Variants in RIOK3 observed in about 807,000 individuals in gnomAD.
RIOK3 encodes the protein RIO kinase 3, also known as serine/threonine-protein kinase RIO3.
A neutral mutation model predicts 63.5 loss-of-function variants in RIOK3; 40 were observed. The observed-to-expected ratio is 0.63, with a 90% CI of 0.49 to 0.82. The LOEUF is 0.82. Among genes scored for constraint, RIOK3 ranks in the 40% least tolerant of loss-of-function variants. The probability of loss-of-function intolerance (pLI) is 0.00; values close to 1 mark genes in which losing one functional copy is unlikely to be tolerated. For synonymous variants in RIOK3, 193 were observed against 205.0 expected, an observed-to-expected ratio of 0.94 and a Z score of 0.50; for missense variants, 557 against 637.0, an observed-to-expected ratio of 0.87 and a Z score of 1.35.
chr18:23,471,735 GA>G (rs1389185736), intron 7 of RIOK3, among the ~76,000 whole-genome samples: 1 of 152,140 alleles, frequency 6.6e-6, no homozygotes, highest in Non-Finnish European at 1.5e-5. Flanking sequence ...GTGGGTGTAG[GA>G]GGATAGATTC....
intron 1 of RIOK3, among the ~76,000 whole-genome samples, chr18:23,457,559 A>G (rs983887783): frequency 5.9e-5 from 9 of 152,238 alleles, no homozygotes; most frequent in Admixed American, 2.0e-4. Flanking sequence ...ACAAACGTAT[A>G]ATACTAATGC....
chr18:23,461,877 G>A (rs958689085), intron 1 of RIOK3, among the ~76,000 whole-genome samples: 32 of 151,862 alleles, frequency 2.1e-4, no homozygotes, highest in African/African-American at 7.5e-4. Flanking sequence ...ATCACCTGAG[G>A]TTAGGAGTTC....
In RIOK3 at chr18:23,482,674, A is replaced by T. The variant is rs2057543377; in HGVS notation, c.*1395A>T. 3 of 152,182 alleles carry T rather than the reference A, an allele frequency of 2.0e-5. No homozygotes were observed. The highest frequency in any genetic ancestry group is 7.2e-5 in the African/African-American group (3 of 41,460). 9.4% of individuals were successfully genotyped at this position (152,182 alleles called of 1,614,324 possible). A position where few individuals can be genotyped will look rare whatever the true frequency, so the allele number is the denominator to read the frequency against. On this transcript the variant is annotated 3_prime_UTR_variant, in exon 13 of 13. Transcript: ENST00000339486. Reference sequence around the variant, plus strand: ...GCTTTGTTAGGATTAAAGTTCATTAACTTCAATGTAATCATGCCTCCTATT... The same window carrying T: ...GCTTTGTTAGGATTAAAGTTCATTATCTTCAATGTAATCATGCCTCCTATT...
chr18:23,468,601 C>T (rs1286241132), intron 7 of RIOK3, among the ~76,000 whole-genome samples: 1 of 152,076 alleles, frequency 6.6e-6, no homozygotes, highest in Non-Finnish European at 1.5e-5. Flanking sequence ...CTGCGCCTGG[C>T]CTGGTATACT....
At chr18:23,459,384 C>T (rs889543445) in intron 1 of RIOK3, among the ~76,000 whole-genome samples, 1 of 152,178 alleles carries the variant, frequency 6.6e-6, no homozygotes, top group African/African-American at 2.4e-5. Context: ...TGGAATGCCT[C>T]TTTATATCCA....
At chr18:23,467,557 G>T (rs1394113199) in intron 7 of RIOK3, 31 bp downstream of exon 7, 1 of 1,599,230 alleles carries the variant, frequency 6.3e-7, no homozygotes, top group Non-Finnish European at 8.6e-7. Context: ...ACCATGATAT[G>T]AAAACTTAGT....
intron 9 of RIOK3, 49 bp downstream of exon 9, chr18:23,475,156 TC>T: frequency 6.7e-6 from 10 of 1,485,754 alleles, no homozygotes; most frequent in South Asian, 1.2e-5. Context: ...AAAAAATATT[TC>T]CTCTAAACTT....
At chr18:23,480,815 G>A (rs182670393) in intron 12 of RIOK3, among the ~76,000 whole-genome samples, 31 of 152,202 alleles carry the variant, frequency 2.0e-4, no homozygotes, top group African/African-American at 7.2e-4. Flanking sequence ...GGCTGGACAC[G>A]GTGGCTCACG....
Position 23,479,359 on chromosome 18 carries a change from G to A in RIOK3, c.1387G>A (p.Glu463Lys). 6.2e-7 allele frequency: 1 copy of A among 1,613,854 alleles called. No individual in the cohort carries two copies. Among genetic ancestry groups the A allele is most frequent in the Non-Finnish European group, 8.5e-7 (1 of 1,179,794 alleles). ...AGTCAAGGAAGCCCTTAGTGAACGA[G>A]AACTCTTCAATGCTGTTTCAGGCTT... is the stretch of plus-strand genomic sequence containing the variant. ...GGVKEALSER[E>K]LFNAVSGLNI... The change falls in exon 12 of 13, where the codon GAA becomes AAA. Residue 463 changes from glutamate to lysine, a missense_variant. Glu to Lys is a moderately conservative substitution (Grantham distance 56, BLOSUM62 1). Around this residue, in one of 3 missense-constraint regions of RIOK3, gnomAD observed 309 missense variants for 338.7 expected, o/e 0.91. Coordinates refer to ENST00000339486, the MANE Select transcript of RIOK3 (RefSeq NM_003831.5).
Position 23,463,994 on chromosome 18 carries a change from A to G in RIOK3, c.207A>G (p.Gly69=). The part of the protein sequence containing the change: ...VAVAEGPFIT[G]ENIDTSSDLM... The stretch of plus-strand genomic sequence containing the variant: ...TTGCTGAAGGACCATTTATTACTGG[A>G]GAAAACATTGATACTTCCAGTGACC... The change falls in exon 3 of 13, where the codon GGA becomes GGG. Residue 69 remains glycine, a synonymous_variant. Coordinates refer to ENST00000339486, the MANE Select transcript of RIOK3 (RefSeq NM_003831.5). 2 of 1,610,800 alleles carry G rather than the reference A, an allele frequency of 1.2e-6. No individual in the cohort carries two copies. The highest frequency in any genetic ancestry group is 1.7e-6 in the Non-Finnish European group (2 of 1,178,976).
intron 9 of RIOK3, among the ~76,000 whole-genome samples, chr18:23,476,411 A>G (rs892151114): frequency 1.1e-4 from 16 of 152,182 alleles, no homozygotes; most frequent in African/African-American, 3.9e-4. Flanking sequence ...ATTTTAATCC[A>G]AATTAATTTT....
chr18:23,477,884 A>G (rs2057503794), intron 11 of RIOK3, among the ~76,000 whole-genome samples: 1 of 152,074 alleles, frequency 6.6e-6, no homozygotes, highest in Non-Finnish European at 1.5e-5. Flanking sequence ...AGCCCGGCCA[A>G]CATGGTGAAA....
At position 23,464,547 on chromosome 18, in the gene RIOK3, C is replaced by G. The variant is rs1408681010; in HGVS notation, c.462C>G (p.Gly154=). 3.1e-6 allele frequency: 5 copies of G among 1,606,208 alleles called. No individual in the cohort carries two copies. Among genetic ancestry groups the G allele is most frequent in the Non-Finnish European group, 4.2e-6 (5 of 1,177,772 alleles). Residue 154 remains glycine, a synonymous_variant, in exon 5 of 13, where the codon GGC becomes GGG. Coordinates refer to ENST00000339486, the MANE Select transcript of RIOK3 (RefSeq NM_003831.5). ...AACCGGTTCCCACTCCTAAAAAGGG[C>G]TTTATTGGAAAAGGAAAAGATATCA... is the stretch of plus-strand genomic sequence containing the variant. The part of the protein sequence containing the change: ...PAKPVPTPKK[G]FIGKGKDITT...
At chr18:23,455,973 T>C (rs2057338203) in intron 1 of RIOK3, among the ~76,000 whole-genome samples, 1 of 152,082 alleles carries the variant, frequency 6.6e-6, no homozygotes, top group Admixed American at 6.6e-5. Context: ...AATTTTTATA[T>C]TTTTAGTAGA....
intron 2 of RIOK3, 29 bp from the exon 3 acceptor site, chr18:23,463,938 A>G (rs766473769): frequency 8.4e-5 from 132 of 1,571,322 alleles, no homozygotes; most frequent in Admixed American, 2.3e-4. Context: ...AGCACATTAC[A>G]TTAGTTTATA....
intron 6 of RIOK3, among the ~76,000 whole-genome samples, chr18:23,467,175 G>C (rs1043664414): frequency 6.6e-6 from 1 of 152,038 alleles, no homozygotes; most frequent in African/African-American, 2.4e-5. Context: ...TTAGCCAGGT[G>C]TGGTGGCGGG....
chr18:23,480,527 A>T (rs2057523815), intron 12 of RIOK3, among the ~76,000 whole-genome samples: 1 of 149,118 alleles, frequency 6.7e-6, no homozygotes, highest in Non-Finnish European at 1.5e-5. Context: ...ACATGTATGT[A>T]TGACTATTTG....
chr18:23,475,994 C>G (rs1462329155), intron 9 of RIOK3, among the ~76,000 whole-genome samples: 1 of 145,092 alleles, frequency 6.9e-6, no homozygotes, highest in Non-Finnish European at 1.5e-5. Context: ...ACTATGTTGC[C>G]CAGGCTGGTC....
chr18:23,454,825 T>C (rs1384004384), intron 1 of RIOK3, among the ~76,000 whole-genome samples: 1 of 152,252 alleles, frequency 6.6e-6, no homozygotes, highest in African/African-American at 2.4e-5. Context: ...GACAGTGTTT[T>C]GAAAGGCAAA....
Sources: gnomAD v4.1 joint callset for allele counts (sites outside exome capture counted in the v4.1 genomes callset) on GRCh38, gnomAD v4.1.1 for gene constraint, gnomAD v4.1.1 regional missense constraint, MANE v1.5 for transcripts, NCBI Gene and HGNC (gene_info 2026-07-23, HGNC 2026-07-21) for gene names.